DIABLO: variants seen among roughly 807,000 people sequenced by gnomAD.
The protein encoded by DIABLO is diablo homolog, mitochondrial.
A neutral mutation model predicts 31.7 loss-of-function variants in DIABLO; 32 were observed. The ratio of observed to expected loss-of-function variants is 1.01; its 90% CI spans 0.76 to 1.35. The LOEUF (loss-of-function observed/expected upper bound fraction) is 1.35, where lower values mean the gene tolerates loss of function less well. Among genes scored for constraint, DIABLO ranks in the 40% most tolerant of loss-of-function variants. The pLI, the probability that DIABLO is intolerant of heterozygous loss-of-function variation, is 0.00. For synonymous variants in DIABLO, 132 were observed against 103.2 expected, an observed-to-expected ratio of 1.28 and a Z score of -1.69; for missense variants, 316 against 286.4, an observed-to-expected ratio of 1.10 and a Z score of -0.75.
At chr12:122,215,300 C>T (rs371842306) in intron 5 of DIABLO, among the ~76,000 whole-genome samples, 34 of 151,974 alleles carry the variant, frequency 2.2e-4, no homozygotes, top group South Asian at 4.2e-4. Context: ...AAAATTTGGC[C>T]GGACACAGTG....
In DIABLO at chr12:122,224,637, G is replaced by C. The variant is rs1481172640; in HGVS notation, c.58C>G (p.Gln20Glu). 6.2e-7 allele frequency: 1 copy of C among 1,614,160 alleles called. No individual in the cohort carries two copies. Among genetic ancestry groups the C allele is most frequent in the Non-Finnish European group, 8.5e-7 (1 of 1,180,028 alleles). Reference sequence around the variant, plus strand: ...GCCACAACAGGAACACACAAACACTGTCTGTACCTGGAAGTAGAAGTCAGA... The same window carrying C: ...GCCACAACAGGAACACACAAACACTCTCTGTACCTGGAAGTAGAAGTCAGA... ...RSVTSFFRYR[Q>E]CLCVPVVANF... Residue 20 changes from glutamine to glutamate, a missense_variant, in exon 2 of 6, where the codon CAG becomes GAG. Transcript: ENST00000464942.
chr12:122,223,907 C>T (rs1954388488), intron 2 of DIABLO, among the ~76,000 whole-genome samples: 1 of 152,174 alleles, frequency 6.6e-6, no homozygotes, highest in Non-Finnish European at 1.5e-5. Context: ...CTCAAGTGAT[C>T]TTCCTGCCTC....
intron 2 of DIABLO, chr12:122,222,509 AG>A (rs1226294101): frequency 2.7e-5 from 4 of 150,644 alleles, no homozygotes; most frequent in African/African-American, 7.4e-5. Context: ...AGGCTGAGGC[AG>A]GAGAATGGTG....
At chr12:122,215,883 GAAAAAAAAAAAA>G (rs60645708) in intron 5 of DIABLO, among the ~76,000 whole-genome samples, 1 of 94,242 alleles carries the variant, frequency 1.1e-5, no homozygotes, top group Non-Finnish European at 2.2e-5. Context: ...TTTTATGAAG[GAAAAAAAAAAAA>G]AAAAAAAAAA....
chr12:122,215,591 C>A (rs1006143943), intron 5 of DIABLO, among the ~76,000 whole-genome samples: 1 of 152,020 alleles, frequency 6.6e-6, no homozygotes, highest in Admixed American at 6.6e-5. Flanking sequence ...GTGACAGGAA[C>A]AAAACTCCAT....
In DIABLO at chr12:122,208,225, G is replaced by A. The variant is rs1409269458; in HGVS notation, c.*156C>T. 1.2e-6 allele frequency: 1 copy of A among 835,174 alleles called. No individual in the cohort carries two copies. Among genetic ancestry groups the A allele is most frequent in the Middle Eastern group, 3.3e-4 (1 of 3,014 alleles). The allele number at this position is 835,174 out of a possible 1,614,324, so 51.7% of individuals were successfully genotyped here. A position where few individuals can be genotyped will look rare whatever the true frequency, so the allele number is the denominator to read the frequency against. Reference sequence around the variant, plus strand: ...CCAGCGCAAGCCTGAGACCACAGGAGGCACTCACAGCTCACAAAGGCGTCT... The same window carrying A: ...CCAGCGCAAGCCTGAGACCACAGGAAGCACTCACAGCTCACAAAGGCGTCT... On this transcript the variant is annotated 3_prime_UTR_variant, in exon 6 of 6. Coordinates refer to ENST00000464942, the MANE Select transcript of DIABLO (RefSeq NM_001371333.1).
At chr12:122,209,650 GAAACTCGT>G (rs1214954956) in intron 5 of DIABLO, 82 of 674,356 alleles carry the variant, frequency 1.2e-4, no homozygotes, top group African/African-American at 1.1e-3. Context: ...AGGTGAGAGT[GAAACTCGT>G]CTCCCCCCCA....
At chr12:122,217,142 A>C in intron 3 of DIABLO, 1 of 406,776 alleles carries the variant, frequency 2.5e-6, no homozygotes, top group Non-Finnish European at 4.6e-6. Context: ...GTTGAGGGGA[A>C]AAAAGCTGCT....
intron 5 of DIABLO, among the ~76,000 whole-genome samples, chr12:122,210,582 C>T (rs80327372): frequency 0.24 from 35,825 of 150,370 alleles, 5,381 homozygotes; most frequent in East Asian, 0.62. Flanking sequence ...GGTTTCACCA[C>T]GTTAGCCAGG....
chr12:122,225,548 A>G (rs1954441361), intron 1 of DIABLO: 4 of 1,146,462 alleles, frequency 3.5e-6, no homozygotes, highest in Non-Finnish European at 4.3e-6. Flanking sequence ...AGCGCTAGGT[A>G]GAGAGCCCTG....
chr12:122,210,512 A>G (rs1330057641), intron 5 of DIABLO, among the ~76,000 whole-genome samples: 2 of 151,430 alleles, frequency 1.3e-5, no homozygotes, highest in African/African-American at 4.9e-5. Context: ...AGCTGGGACT[A>G]CAGGTGCCCA....
At chr12:122,226,624 G>A (rs1954486207), upstream of DIABLO, 1 of 675,482 alleles carries the variant, frequency 1.5e-6, no homozygotes, top group South Asian at 1.5e-5. Flanking sequence ...CGTCCCAGAG[G>A]GGCGGACGGG....
Position 122,207,866 on chromosome 12 carries a change from C to T in DIABLO, c.*515G>A, listed in dbSNP as rs1212828398. 2.2e-6 allele frequency: 1 copy of T among 460,622 alleles called. No homozygotes were observed. The highest frequency in any genetic ancestry group is 1.5e-5 in the South Asian group (1 of 64,534). 28.5% of individuals were successfully genotyped at this position (460,622 alleles called of 1,614,324 possible). On this transcript the variant is annotated 3_prime_UTR_variant, in exon 6 of 6. Coordinates refer to ENST00000464942, the MANE Select transcript of DIABLO (RefSeq NM_001371333.1). ...AGTAATAGGTTTTTCACTCCTTGGC[C>T]TCAGCTGTCCTCACAGGACAGTGGG...
At chr12:122,214,593 T>C (rs1049765643) in intron 5 of DIABLO, among the ~76,000 whole-genome samples, 1 of 152,102 alleles carries the variant, frequency 6.6e-6, no homozygotes, top group African/African-American at 2.4e-5. Flanking sequence ...GCCCAGCTAA[T>C]TTTTGTATTT....
Position 122,220,193 on chromosome 12 carries a change from G to A in DIABLO, c.184-1796C>T, listed in dbSNP as rs1354919062. Among the ~76,000 whole-genome samples the A allele has an allele frequency of 2.0e-5, 3 of 151,954 alleles. No homozygotes were observed. The East Asian group carries it at 5.9e-4, about 30-fold the overall frequency. The stretch of plus-strand genomic sequence containing the variant: ...ACTCCTGACCTCAAGTGATACACAT[G>A]CTTTGGCCTCCCAAAGTGCTGGGAT... On this transcript the variant is annotated intron_variant, in intron 2 of 5. Transcript: ENST00000464942.
chr12:122,210,232 C>G (rs545694003), intron 5 of DIABLO, among the ~76,000 whole-genome samples: 17 of 152,212 alleles, frequency 1.1e-4, no homozygotes, highest in African/African-American at 3.6e-4. Flanking sequence ...GGAGGCTTGT[C>G]ATTACTTTCT....
chr12:122,214,464 T>G (rs1186132415), intron 5 of DIABLO, among the ~76,000 whole-genome samples: 2 of 152,210 alleles, frequency 1.3e-5, no homozygotes, highest in African/African-American at 4.8e-5. Context: ...CTAGCTCTTT[T>G]GCCTAGGATG....
At chr12:122,226,343 AG>A (rs765018574), upstream of DIABLO, 3 of 532,686 alleles carry the variant, frequency 5.6e-6, no homozygotes, top group South Asian at 4.9e-5. Flanking sequence ...CAGGGCTTGA[AG>A]GGAATTTCCT....
At chr12:122,215,756 A>G (rs1954195730) in intron 5 of DIABLO, among the ~76,000 whole-genome samples, 1 of 147,894 alleles carries the variant, frequency 6.8e-6, no homozygotes, top group African/African-American at 2.5e-5. Flanking sequence ...AATTCGACCT[A>G]CTTGGCTCCG....
Sources: gnomAD v4.1 joint callset for allele counts (sites outside exome capture counted in the v4.1 genomes callset) on GRCh38, gnomAD v4.1.1 for gene constraint, MANE v1.5 for transcripts, NCBI Gene and HGNC (gene_info 2026-07-23, HGNC 2026-07-21) for gene names.